Variants in SLC27A6 observed in about 807,000 individuals in gnomAD.
The protein encoded by SLC27A6 is long-chain fatty acid transport protein 6.
Under a neutral mutation model 63.9 loss-of-function variants are expected in SLC27A6, and 74 were observed. The observed-to-expected ratio is 1.16, with a 90% CI of 0.96 to 1.40. SLC27A6 has a LOEUF of 1.40. Among genes scored for constraint, SLC27A6 ranks in the 40% most tolerant of loss-of-function variants. The pLI, the probability that SLC27A6 is intolerant of heterozygous loss-of-function variation, is 0.00. For synonymous variants in SLC27A6, 287 were observed against 260.8 expected (o/e 1.10, Z -0.97); for missense variants, 794 against 732.9 (o/e 1.08, Z -0.96).
intron 2 of SLC27A6, among the ~76,000 whole-genome samples, chr5:128,988,034 G>GA (rs1390328620): frequency 1.1e-4 from 16 of 151,006 alleles, no homozygotes; most frequent in Non-Finnish European, 1.0e-4. Context: ...TTCCAAAAAT[G>GA]AAAAAAAATA....
chr5:128,974,060 G>A (rs545177410), intron 1 of SLC27A6, among the ~76,000 whole-genome samples: 1 of 152,322 alleles, frequency 6.6e-6, no homozygotes, highest in South Asian at 2.1e-4. Flanking sequence ...GAGGGCCACA[G>A]TGTCCCTGAA....
rs1752471199 is a variant in SLC27A6 at position 129,033,335 on chromosome 5, G to A, written c.*53G>A. 10 of 1,097,494 alleles carry A rather than the reference G, an allele frequency of 9.1e-6. No homozygotes were observed. The highest frequency in any genetic ancestry group is 5.3e-5 in the Admixed American group (2 of 37,748). The allele number at this position is 1,097,494 out of a possible 1,614,324, so 68.0% of individuals were successfully genotyped here. On this transcript the variant is annotated 3_prime_UTR_variant, in exon 10 of 10. Coordinates refer to ENST00000262462, the MANE Select transcript of SLC27A6 (RefSeq NM_001017372.3). ...CTTTCTTAGGAAGAGTGAGAGGGGG[G>A]TATATGATTCTTTATGAAATGGGGA...
Position 128,988,898 on chromosome 5 carries a change from A to T in SLC27A6, c.844+140A>T, listed in dbSNP as rs766593347. The T allele has an allele frequency of 1.7e-3, 1,042 of 615,286 alleles. 2 individuals are homozygous for T. Among genetic ancestry groups the T allele is most frequent in the Non-Finnish European group, 1.9e-3 (707 of 377,036 alleles). The allele number at this position is 615,286 out of a possible 1,614,324, so 38.1% of individuals were successfully genotyped here. A position where few individuals can be genotyped will look rare whatever the true frequency, so the allele number is the denominator to read the frequency against. Reference sequence around the variant, plus strand: ...TTTATTATAACACAATATTTATTTTAAAAAAACTACACAATTTTATGGCAT... The same window carrying T: ...TTTATTATAACACAATATTTATTTTTAAAAAACTACACAATTTTATGGCAT... On this transcript the variant is annotated intron_variant, in intron 3 of 9. Transcript: ENST00000262462.
At chr5:128,988,845 G>T in intron 3 of SLC27A6, 87 bp downstream of exon 3, 1 of 1,055,892 alleles carries the variant, frequency 9.5e-7, no homozygotes, top group Non-Finnish European at 1.4e-6. Flanking sequence ...TGTATCGGTA[G>T]AATTTAGAGT....
At chr5:129,015,841 T>A (rs752011532) in intron 4 of SLC27A6, 44 bp from the exon 5 acceptor site, 3 of 1,320,774 alleles carry the variant, frequency 2.3e-6, no homozygotes, top group Non-Finnish European at 3.2e-6. Context: ...AAGAAAGAAT[T>A]AGAAACTGGA....
intron 5 of SLC27A6, among the ~76,000 whole-genome samples, chr5:129,022,781 C>T (rs1424244476): frequency 5.3e-5 from 8 of 152,026 alleles, no homozygotes; most frequent in African/African-American, 1.7e-4. Context: ...AACAAGTTCT[C>T]ATCACTGCAC....
intron 3 of SLC27A6, among the ~76,000 whole-genome samples, chr5:128,989,986 A>G (rs560204573): frequency 6.6e-6 from 1 of 151,948 alleles, no homozygotes; most frequent in East Asian, 1.9e-4. Flanking sequence ...TAATATGTAT[A>G]TATTCCAGTT....
rs1451760611 is a variant in SLC27A6, at chr5:128,985,138, CT to C, written c.489del (p.Gly164GlufsTer3). The C allele has an allele frequency of 6.2e-7, 1 of 1,612,708 alleles. No homozygotes were observed. The highest frequency in any genetic ancestry group is 1.8e-4 in the Middle Eastern group (1 of 5,634). ...PRALVVGADL[L>X]GTVEEILPSL... Reference sequence around the variant, plus strand: ...CCCAACCCTTTGGCTTTTAGATTTGCTTGGAACGGTAGAAGAAATCCTTCCA... The same window carrying C: ...CCCAACCCTTTGGCTTTTAGATTTGCTGGAACGGTAGAAGAAATCCTTCCA... On this transcript the variant is annotated frameshift_variant, in exon 2 of 10. Coordinates refer to ENST00000262462, the MANE Select transcript of SLC27A6 (RefSeq NM_001017372.3). LOFTEE classifies it high-confidence loss of function.
chr5:128,992,571 A>G (rs942897610), intron 4 of SLC27A6, among the ~76,000 whole-genome samples: 7 of 152,216 alleles, frequency 4.6e-5, no homozygotes, highest in African/African-American at 1.7e-4. Context: ...GCCAAGACAA[A>G]GAGTTCCAGA....
chr5:129,027,141 G>A lies in SLC27A6; in HGVS notation c.1264G>A (p.Gly422Arg), dbSNP rs2150155545. 1 of 1,613,016 alleles carries A rather than the reference G, an allele frequency of 6.2e-7. No homozygotes were observed. Among genetic ancestry groups the A allele is most frequent in the Non-Finnish European group, 8.5e-7 (1 of 1,179,262 alleles). Residue 422 changes from glycine to arginine, a missense_variant, in exon 7 of 10, where the codon GGA becomes AGA. Gly to Arg is a moderately radical substitution (Grantham distance 125). Transcript: ENST00000262462. The stretch of plus-strand genomic sequence containing the variant: ...GTCGTTCTTTCTTGCAGGAGAACCT[G>A]GACTTCTCATTTCTCGAGTGAATGC... ...WCIHVKKGEP[G>R]LLISRVNAKN...
At chr5:129,001,912 T>C (rs1751347126) in intron 4 of SLC27A6, among the ~76,000 whole-genome samples, 1 of 152,208 alleles carries the variant, frequency 6.6e-6, no homozygotes, top group Non-Finnish European at 1.5e-5. Context: ...ATAAATAAAT[T>C]CTTGACCTTG....
intron 1 of SLC27A6, among the ~76,000 whole-genome samples, chr5:128,972,570 C>G (rs1750215269): frequency 6.6e-6 from 1 of 152,208 alleles, no homozygotes; most frequent in Non-Finnish European, 1.5e-5. Context: ...GCTACTGAAG[C>G]TTATGCATGC....
intron 4 of SLC27A6, among the ~76,000 whole-genome samples, chr5:128,996,866 T>G (rs1179266662): frequency 2.0e-5 from 3 of 152,204 alleles, no homozygotes; most frequent in Non-Finnish European, 4.4e-5. Context: ...CTTGTTTGTT[T>G]GTTCATTTGT....
intron 4 of SLC27A6, among the ~76,000 whole-genome samples, chr5:128,996,032 T>C (rs1241963293): frequency 7.2e-6 from 1 of 139,434 alleles, no homozygotes; most frequent in Non-Finnish European, 1.5e-5. Flanking sequence ...AAATTAATTT[T>C]TTTGATCTGT....
intron 1 of SLC27A6, among the ~76,000 whole-genome samples, chr5:128,978,230 A>G (rs920496556): frequency 1.3e-5 from 2 of 152,176 alleles, no homozygotes; most frequent in African/African-American, 4.8e-5. Context: ...CATATTTTGT[A>G]TAGCCTGAAT....
intron 1 of SLC27A6, among the ~76,000 whole-genome samples, chr5:128,971,594 T>TG (rs1276514984): frequency 5.1e-4 from 77 of 152,080 alleles, no homozygotes; most frequent in Non-Finnish European, 8.4e-4. Context: ...CTTTTTGTTT[T>TG]TTTGTTTTCC....
intron 9 of SLC27A6, among the ~76,000 whole-genome samples, chr5:129,031,680 T>C (rs940074629): frequency 6.6e-6 from 1 of 151,984 alleles, no homozygotes; most frequent in Non-Finnish European, 1.5e-5. Flanking sequence ...GCAAAGTTAA[T>C]TAAAATATGA....
In SLC27A6 at chr5:128,998,192, T is replaced by C. The variant is rs958178665; in HGVS notation, c.969+7728T>C. Reference sequence around the variant, plus strand: ...TAGTAGTCCATGCTATGGGGGAGGCTGAGGTGGCAGGATCATTTGCACCCA... The same window carrying C: ...TAGTAGTCCATGCTATGGGGGAGGCCGAGGTGGCAGGATCATTTGCACCCA... On this transcript the variant is annotated intron_variant, in intron 4 of 9. Transcript: ENST00000262462. 7.3e-5 allele frequency among the ~76,000 whole-genome samples: 11 copies of C among 151,118 alleles called. 1 individual carries two copies. The highest frequency in any genetic ancestry group is 2.7e-4 in the African/African-American group (11 of 41,154).
chr5:129,015,093 A>AT (rs1361550968), intron 4 of SLC27A6, among the ~76,000 whole-genome samples: 1 of 152,054 alleles, frequency 6.6e-6, no homozygotes, highest in Non-Finnish European at 1.5e-5. Context: ...GTTATTTTGC[A>AT]TTTTTTGGTG....
Sources: gnomAD v4.1 joint callset for allele counts (sites outside exome capture counted in the v4.1 genomes callset) on GRCh38, gnomAD v4.1.1 for gene constraint, MANE v1.5 for transcripts, NCBI Gene and HGNC (gene_info 2026-07-23, HGNC 2026-07-21) for gene names.